The following ST7 variants were observed in gnomAD, a reference collection of about 807,000 sequenced individuals.
ST7 encodes suppressor of tumorigenicity 7 protein.
ST7 carries 28 observed loss-of-function variants against 78.7 expected under a neutral mutation model. The observed-to-expected ratio is 0.36, with a 90% CI of 0.26 to 0.49. The LOEUF is 0.49. ST7 is among the 20% of genes least tolerant of loss of function. The pLI is 0.99. For missense variants in ST7, 418 were observed against 696.0 expected (o/e 0.60, Z 4.49); for synonymous variants, 247 against 249.6 (o/e 0.99, Z 0.10).
chr7:116,965,308 C>T (rs965079845), intron 1 of ST7, among the ~76,000 whole-genome samples: 23 of 149,676 alleles, frequency 1.5e-4, no homozygotes, highest in Non-Finnish European at 2.5e-4. Flanking sequence ...CCACTGCACT[C>T]CAGCCTGGGC....
At chr7:117,131,858 T>C (rs767493942) in intron 5 of ST7, 27 bp from the exon 6 acceptor site, 1 of 1,594,984 alleles carries the variant, frequency 6.3e-7, no homozygotes, top group Non-Finnish European at 8.6e-7. Flanking sequence ...ATGGATTGAC[T>C]TGGTGTTTTC....
intron 1 of ST7, among the ~76,000 whole-genome samples, chr7:117,081,346 C>T (rs1421580292): frequency 2.6e-5 from 4 of 152,014 alleles, no homozygotes; most frequent in Non-Finnish European, 4.4e-5. Context: ...GGTCTGAATG[C>T]TTCAATTTTA....
At position 117,229,948 on chromosome 7, in the gene ST7, A is replaced by T; in HGVS notation, c.*91A>T. The T allele has an allele frequency of 8.8e-7, 1 of 1,136,996 alleles. No individual in the cohort carries two copies. The allele number at this position is 1,136,996 out of a possible 1,614,324, so 70.4% of individuals were successfully genotyped here. ...TGGACCGCAAGAAAGCATGACTTTG[A>T]AAAAGGGAAGCCATTCCGAGATTTT... is the stretch of plus-strand genomic sequence containing the variant. On this transcript the variant is annotated 3_prime_UTR_variant, in exon 16 of 16. Coordinates refer to ENST00000323984, the MANE Select transcript of ST7 (RefSeq NM_001369598.1).
rs563648889 is a variant in ST7, at chr7:117,141,303, T to A, written c.963+2771T>A. Among the ~76,000 whole-genome samples, 10 of 152,160 alleles carry A rather than the reference T, an allele frequency of 6.6e-5. No homozygotes were observed. In the South Asian group the frequency reaches 2.1e-3, roughly 32 times the overall value. ...TAGAAAGCAGAATCGTTTAAAGAAA[T>A]TTCTCTGGAAACACCTTAAGGAAGG... On this transcript the variant is annotated intron_variant, in intron 9 of 15. Coordinates refer to ENST00000323984, the MANE Select transcript of ST7 (RefSeq NM_001369598.1).
intron 1 of ST7, among the ~76,000 whole-genome samples, chr7:117,045,890 C>T (rs1382738882): frequency 6.6e-6 from 1 of 152,216 alleles, no homozygotes; most frequent in African/African-American, 2.4e-5. Context: ...AGGATTTCTA[C>T]CTTTCAGTTA....
chr7:117,126,794 C>T (rs1803887837), intron 3 of ST7, among the ~76,000 whole-genome samples: 1 of 151,862 alleles, frequency 6.6e-6, no homozygotes, highest in African/African-American at 2.4e-5. Flanking sequence ...AAACATTATT[C>T]TTTAGGTTCT....
At chr7:117,176,822 C>T (rs1441844574) in intron 10 of ST7, among the ~76,000 whole-genome samples, 2 of 152,174 alleles carry the variant, frequency 1.3e-5, no homozygotes, top group Non-Finnish European at 2.9e-5. Context: ...TTTGATGCCA[C>T]AGGCACAAGC....
intron 12 of ST7, among the ~76,000 whole-genome samples, chr7:117,201,300 A>G (rs1326230202): frequency 1.3e-5 from 2 of 152,204 alleles, no homozygotes; most frequent in African/African-American, 4.8e-5. Context: ...AACAGAAACC[A>G]GTTTTTAGCC....
chr7:117,100,607 C>G (rs1412546847), intron 2 of ST7, among the ~76,000 whole-genome samples: 1 of 151,524 alleles, frequency 6.6e-6, no homozygotes, highest in Admixed American at 6.6e-5. Flanking sequence ...CCTTCATCTT[C>G]TTTTCTTTCT....
At chr7:117,218,570 T>C (rs1211283315) in intron 13 of ST7, among the ~76,000 whole-genome samples, 1 of 152,204 alleles carries the variant, frequency 6.6e-6, no homozygotes, top group Non-Finnish European at 1.5e-5. Flanking sequence ...GTTATACATT[T>C]TTAGATTTTT....
intron 1 of ST7, among the ~76,000 whole-genome samples, chr7:116,986,253 A>G (rs1794186872): frequency 6.6e-6 from 1 of 152,164 alleles, no homozygotes; most frequent in Admixed American, 6.5e-5. Flanking sequence ...AGTGGAAAGG[A>G]GGGGAGGAGA....
chr7:117,129,618 A>G (rs1462383919), intron 3 of ST7, among the ~76,000 whole-genome samples, 175 bp from the exon 4 acceptor site: 1 of 151,888 alleles, frequency 6.6e-6, no homozygotes, highest in Non-Finnish European at 1.5e-5. Context: ...AAAGTCCCGG[A>G]GCCTGAGCCA....
intron 1 of ST7, among the ~76,000 whole-genome samples, chr7:117,092,062 A>T (rs544071901): frequency 2.6e-5 from 4 of 152,188 alleles, no homozygotes; most frequent in East Asian, 1.9e-4. Context: ...ATAGAATCTT[A>T]CATAGTTGTT....
At chr7:117,210,058 G>A in intron 13 of ST7, 121 bp downstream of exon 13, 1 of 1,166,010 alleles carries the variant, frequency 8.6e-7, no homozygotes, top group Non-Finnish European at 1.2e-6. Flanking sequence ...TTCTGTGATG[G>A]CCCATCTAAG....
chr7:117,163,327 A>C (rs528074561), intron 9 of ST7, among the ~76,000 whole-genome samples: 1 of 152,036 alleles, frequency 6.6e-6, no homozygotes, highest in African/African-American at 2.4e-5. Context: ...TGTTTATTCT[A>C]TTTGTGGTTT....
rs756475185 is a variant in ST7 at position 117,130,616 on chromosome 7, A to G, written c.565+10A>G. ...CGTCCCGCAGATGCAAGTATGAAAA[A>G]TCCATACATCCTTCTGAATGGGAGG... On this transcript the variant is annotated intron_variant, in intron 5 of 15. Transcript: ENST00000323984. 5.6e-6 allele frequency: 9 copies of G among 1,599,026 alleles called. No individual in the cohort carries two copies. The Admixed American group carries it at 6.8e-5, about 12-fold the overall frequency.
intron 1 of ST7, among the ~76,000 whole-genome samples, chr7:117,074,133 G>A (rs1260866663): frequency 1.3e-5 from 2 of 152,210 alleles, no homozygotes; most frequent in Non-Finnish European, 1.5e-5. Context: ...GCTCACACCT[G>A]TAATCCCAGC....
chr7:117,169,116 C>T (rs1052083723), intron 9 of ST7, among the ~76,000 whole-genome samples: 11 of 146,538 alleles, frequency 7.5e-5, no homozygotes, highest in Non-Finnish European at 1.3e-4. Context: ...AAGATTTTAC[C>T]TTCTTTTTTT....
intron 1 of ST7, among the ~76,000 whole-genome samples, chr7:117,001,196 T>C (rs1296797878): frequency 6.6e-6 from 1 of 152,234 alleles, no homozygotes; most frequent in East Asian, 1.9e-4. Flanking sequence ...GGAGGTCTAA[T>C]CATCGTCAAC....
Sources: allele counts gnomAD v4.1 joint callset (sites outside exome capture counted in the v4.1 genomes callset), GRCh38; gene constraint gnomAD v4.1.1; transcripts MANE v1.5; gene names NCBI Gene and HGNC (gene_info 2026-07-23, HGNC 2026-07-21).